UGT1A4: variants seen among roughly 807,000 people sequenced by gnomAD.
UGT1A4 encodes the protein UDP glucuronosyltransferase family 1 member A4, also known as UDP-glucuronosyltransferase 1A4.
A neutral mutation model predicts 41.1 loss-of-function variants in UGT1A4; 32 were observed. The ratio of observed to expected loss-of-function variants is 0.78; its 90% CI spans 0.59 to 1.05. The LOEUF (loss-of-function observed/expected upper bound fraction) is 1.05. UGT1A4 is among the 50% of genes least tolerant of loss of function. UGT1A4 has a pLI of 0.00. For synonymous variants in UGT1A4, 283 were observed against 265.1 expected, an observed-to-expected ratio of 1.07 and a Z score of -0.66; for missense variants, 748 against 677.4, an observed-to-expected ratio of 1.10 and a Z score of -1.16.
chr2:233,768,152 A>G, intron 3 of UGT1A4, 68 bp from the exon 4 acceptor site: 1 of 1,612,626 alleles, frequency 6.2e-7, no homozygotes, highest in Non-Finnish European at 8.5e-7. Flanking sequence ...TGTTTTCAGA[A>G]CCTAGATGTG....
Position 233,719,190 on chromosome 2 carries a change from C to A in UGT1A4, c.370C>A (p.Leu124Ile), listed in dbSNP as rs772886660. 19 of 1,614,048 alleles carry A rather than the reference C, an allele frequency of 1.2e-5. No individual in the cohort carries two copies. The highest frequency in any genetic ancestry group is 1.0e-4 in the Admixed American group (6 of 59,988). ...MAIMNNVSLA[L>I]HRCCVELLHN... ...AATTATGAACAATGTATCTTTGGCCCTTCATAGGTGTTGTGTGGAGCTACT... is the reference window on the plus strand; with the variant it reads ...AATTATGAACAATGTATCTTTGGCCATTCATAGGTGTTGTGTGGAGCTACT... The change falls in exon 1 of 5, where the codon CTT becomes ATT. Residue 124 changes from leucine to isoleucine, a missense_variant. Physicochemically the swap from Leu to Ile is conservative, Grantham distance 5 (BLOSUM62 2). Coordinates refer to ENST00000373409, the MANE Select transcript of UGT1A4 (RefSeq NM_007120.3).
chr2:233,719,132 A>C lies in UGT1A4; in HGVS notation c.312A>C (p.Glu104Asp), dbSNP rs373602050. ...ACACTCAAGGGTTCTTTGAAACAGAACATCTTCTGAAGAGATATTCTAGAA... is the reference window on the plus strand; with the variant it reads ...ACACTCAAGGGTTCTTTGAAACAGACCATCTTCTGAAGAGATATTCTAGAA... ...LGYTQGFFET[E>D]HLLKRYSRSM... The change falls in exon 1 of 5, where the codon GAA becomes GAC. Residue 104 changes from glutamate to aspartate, a missense_variant. Transcript: ENST00000373409. 9.3e-6 allele frequency: 15 copies of C among 1,614,240 alleles called. No homozygotes were observed. Among genetic ancestry groups the C allele is most frequent in the African/African-American group, 1.3e-5 (1 of 75,070 alleles).
intron 1 of UGT1A4, among the ~76,000 whole-genome samples, chr2:233,724,565 G>A (rs1428948283): frequency 3.9e-5 from 5 of 129,268 alleles, no homozygotes; most frequent in Non-Finnish European, 6.5e-5. Context: ...CAGATGGGGC[G>A]GCGGGGCAGA....
At chr2:233,743,598 G>C in intron 1 of UGT1A4, 1 of 1,367,308 alleles carries the variant, frequency 7.3e-7, no homozygotes, top group Non-Finnish European at 9.8e-7. Flanking sequence ...AATGGGTCCT[G>C]GCCGCCGAAG....
chr2:233,741,547 T>G (rs4663963), intron 1 of UGT1A4: 82,548 of 151,614 alleles, frequency 0.54, 24,567 homozygotes, highest in African/African-American at 0.79. Flanking sequence ...GATACTTCTT[T>G]TATGGTTATT....
At chr2:233,726,581 C>T (rs2077543368) in intron 1 of UGT1A4, among the ~76,000 whole-genome samples, 1 of 152,182 alleles carries the variant, frequency 6.6e-6, no homozygotes, top group Non-Finnish European at 1.5e-5. Flanking sequence ...GTCTCCTTCA[C>T]TTGTAAGAGC....
intron 1 of UGT1A4, chr2:233,747,304 G>A: frequency 6.2e-7 from 1 of 1,602,730 alleles, no homozygotes; most frequent in East Asian, 2.2e-5. Flanking sequence ...GAGTGGGAAG[G>A]TGCTGGTGGT....
chr2:233,754,378 C>A, intron 1 of UGT1A4: 1 of 285,606 alleles, frequency 3.5e-6, no homozygotes, highest in East Asian at 8.9e-5. Flanking sequence ...GATCGAAAGA[C>A]AAACAGAGGT....
intron 1 of UGT1A4, among the ~76,000 whole-genome samples, chr2:233,721,302 G>T (rs541150498): frequency 6.6e-6 from 1 of 152,116 alleles, no homozygotes; most frequent in Non-Finnish European, 1.5e-5. Context: ...CATTTGAATA[G>T]TGATTGTGGC....
At chr2:233,754,376 G>C (rs1425062905) in intron 1 of UGT1A4, 2 of 288,414 alleles carry the variant, frequency 6.9e-6, no homozygotes, top group African/African-American at 2.2e-5. Context: ...ATGATCGAAA[G>C]ACAAACAGAG....
rs745603293 is a variant in UGT1A4, at chr2:233,772,357, G to A, written c.1403G>A (p.Arg468Lys). Residue 468 changes from arginine (R) to lysine (K), a missense_variant, in exon 5 of 5, where the codon AGG becomes AAG. Coordinates refer to ENST00000373409, the MANE Select transcript of UGT1A4 (RefSeq NM_007120.3). ...LAVFWVEFVM[R>K]HKGAPHLRPA... The stretch of plus-strand genomic sequence containing the variant: ...GTGTTCTGGGTGGAGTTTGTGATGA[G>A]GCACAAGGGCGCGCCACACCTGCGC... The A allele has an allele frequency of 1.4e-5, 22 of 1,614,268 alleles. No individual in the cohort carries two copies. The highest frequency in any genetic ancestry group is 1.8e-5 in the Non-Finnish European group (21 of 1,180,054).
intron 1 of UGT1A4, among the ~76,000 whole-genome samples, chr2:233,738,047 C>A (rs1690670574): frequency 6.6e-6 from 1 of 152,068 alleles, no homozygotes; most frequent in Admixed American, 6.6e-5. Flanking sequence ...GTGTTGAGGA[C>A]AGGACATGGT....
At chr2:233,753,987 C>A (rs1695364762) in intron 1 of UGT1A4, among the ~76,000 whole-genome samples, 1 of 152,156 alleles carries the variant, frequency 6.6e-6, no homozygotes, top group African/African-American at 2.4e-5. Context: ...TTTTAAGCCA[C>A]CAAGTTTGGG....
chr2:233,721,810 C>A (rs559553943), intron 1 of UGT1A4: 84 of 514,692 alleles, frequency 1.6e-4, no homozygotes, highest in Non-Finnish European at 3.0e-4. Flanking sequence ...CAGCAAAAAT[C>A]CAGCACCCTA....
At position 233,720,736 on chromosome 2, in the gene UGT1A4, C is replaced by T. The variant is rs186867201; in HGVS notation, c.867+1049C>T. 4.2e-3 allele frequency among the ~76,000 whole-genome samples: 630 copies of T among 148,874 alleles called. 11 individuals are homozygous for T. Among genetic ancestry groups the T allele is most frequent in the African/African-American group, 0.015 (595 of 40,300 alleles). ...TTTTTTTTTTCTTGAGACTGAGCCT[C>T]GTTCTGTCGCCCAGGCTGGAGGGCA... is the stretch of plus-strand genomic sequence containing the variant. On this transcript the variant is annotated intron_variant, in intron 1 of 4. Transcript: ENST00000373409.
intron 1 of UGT1A4, chr2:233,743,543 C>G: frequency 7.3e-7 from 1 of 1,367,070 alleles, no homozygotes; most frequent in Non-Finnish European, 9.8e-7. Context: ...TTCCTCTGAC[C>G]CCCCCAAAAT....
At chr2:233,747,905 T>C in intron 1 of UGT1A4, 4 of 1,613,538 alleles carry the variant, frequency 2.5e-6, no homozygotes, top group Non-Finnish European at 3.4e-6. Flanking sequence ...CTGCTCCTTA[T>C]GCAAGCCTTG....
intron 1 of UGT1A4, among the ~76,000 whole-genome samples, chr2:233,756,735 C>T (rs1015618945): frequency 7.9e-5 from 12 of 152,180 alleles, no homozygotes; most frequent in African/African-American, 2.6e-4. Context: ...GTTCTCTTCA[C>T]CTCCTCCTTA....
chr2:233,749,355 G>C (rs1054552103), intron 1 of UGT1A4, among the ~76,000 whole-genome samples: 3 of 151,804 alleles, frequency 2.0e-5, no homozygotes, highest in African/African-American at 4.9e-5. Flanking sequence ...AATTTAAATA[G>C]TGACTCTTGC....
Sources: gnomAD v4.1 joint callset for allele counts (sites outside exome capture counted in the v4.1 genomes callset) on GRCh38, gnomAD v4.1.1 for gene constraint, MANE v1.5 for transcripts, NCBI Gene and HGNC (gene_info 2026-07-23, HGNC 2026-07-21) for gene names.